Variants in SDC2 observed in about 807,000 individuals in gnomAD.
SDC2 encodes the protein syndecan 2.
Under a neutral mutation model 22.2 loss-of-function variants are expected in SDC2, and 13 were observed. The ratio of observed to expected loss-of-function variants is 0.59; its 90% CI spans 0.38 to 0.93. SDC2 has a LOEUF of 0.93. Among genes scored for constraint, SDC2 ranks in the 40% least tolerant of loss-of-function variants. The pLI is 0.00. For synonymous variants in SDC2, 94 were observed against 92.8 expected, an observed-to-expected ratio of 1.01 and a Z score of -0.07; for missense variants, 235 against 246.8, an observed-to-expected ratio of 0.95 and a Z score of 0.32.
In SDC2 at chr8:96,602,888, T is replaced by A. The variant is rs1815015535; in HGVS notation, c.306+360T>A. ...AGCCCTGTTTCTTTGGTTTCCTGGT[T>A]TGTAGGTTACGTAATTAGAAGACTC... On this transcript the variant is annotated intron_variant, in intron 3 of 4. Coordinates refer to ENST00000302190, the MANE Select transcript of SDC2 (RefSeq NM_002998.4). 2.0e-5 allele frequency among the ~76,000 whole-genome samples: 3 copies of A among 152,198 alleles called. No homozygotes were observed. In the South Asian group the frequency reaches 6.2e-4, roughly 32 times the overall value.
intron 1 of SDC2, among the ~76,000 whole-genome samples, chr8:96,527,178 G>A (rs771417178): frequency 6.6e-6 from 1 of 152,180 alleles, no homozygotes; most frequent in African/African-American, 2.4e-5. Context: ...GCCTATTGAC[G>A]TGGTGGGAAG....
chr8:96,608,259 A>C, intron 3 of SDC2, 76 bp from the exon 4 acceptor site: 2 of 1,461,568 alleles, frequency 1.4e-6, no homozygotes, highest in East Asian at 4.6e-5. Flanking sequence ...AAATTTTGGA[A>C]TATACTCATC....
rs192760447 is a variant in SDC2, at chr8:96,538,252, G to A, written c.60+43921G>A. On this transcript the variant is annotated intron_variant, in intron 1 of 4. Coordinates refer to ENST00000302190, the MANE Select transcript of SDC2 (RefSeq NM_002998.4). The stretch of plus-strand genomic sequence containing the variant: ...TGGGATTACAGACGTGAGCCACTGC[G>A]CCCAGCCAAAGCTTGTGTTATATAT... Among the ~76,000 whole-genome samples the A allele has an allele frequency of 3.3e-3, 501 of 152,222 alleles. 2 individuals are homozygous for A. The highest frequency in any genetic ancestry group is 0.011 in the African/African-American group (453 of 41,532).
At chr8:96,546,844 C>T (rs890379492) in intron 1 of SDC2, among the ~76,000 whole-genome samples, 1 of 152,198 alleles carries the variant, frequency 6.6e-6, no homozygotes, top group Non-Finnish European at 1.5e-5. Context: ...ATGCTTCAGT[C>T]TCTGGCTTCT....
chr8:96,549,531 A>G (rs1025547264), intron 1 of SDC2, among the ~76,000 whole-genome samples: 1 of 152,176 alleles, frequency 6.6e-6, no homozygotes, highest in Non-Finnish European at 1.5e-5. Flanking sequence ...GGTAGAACCA[A>G]TTTGGCCCCT....
At chr8:96,535,214 G>A (rs1009320351) in intron 1 of SDC2, among the ~76,000 whole-genome samples, 6 of 152,054 alleles carry the variant, frequency 3.9e-5, no homozygotes, top group Admixed American at 2.0e-4. Context: ...TCACCATGTT[G>A]GCCAGGCTGG....
chr8:96,549,643 C>G (rs1424199004), intron 1 of SDC2, among the ~76,000 whole-genome samples: 1 of 152,126 alleles, frequency 6.6e-6, no homozygotes, highest in African/African-American at 2.4e-5. Flanking sequence ...TTCATGGTAC[C>G]TTGCATCAAG....
intron 1 of SDC2, among the ~76,000 whole-genome samples, chr8:96,523,527 G>A (rs1041694794): frequency 2.6e-5 from 4 of 152,108 alleles, no homozygotes; most frequent in African/African-American, 9.7e-5. Flanking sequence ...ATTTACATCT[G>A]TAAGCCGGAT....
At chr8:96,534,143 C>T (rs1813713578) in intron 1 of SDC2, among the ~76,000 whole-genome samples, 1 of 152,214 alleles carries the variant, frequency 6.6e-6, no homozygotes, top group African/African-American at 2.4e-5. Flanking sequence ...GGAACTCACT[C>T]TGACCTGCAA....
chr8:96,590,626 G>GT (rs1188049306), intron 1 of SDC2, among the ~76,000 whole-genome samples: 3 of 151,822 alleles, frequency 2.0e-5, no homozygotes, highest in South Asian at 2.1e-4. Flanking sequence ...TGAGCGCAGG[G>GT]GTTTTTTTTT....
chr8:96,508,699 C>T (rs1813286772), intron 1 of SDC2, among the ~76,000 whole-genome samples: 1 of 141,808 alleles, frequency 7.1e-6, no homozygotes, highest in Non-Finnish European at 1.6e-5. Flanking sequence ...AACTGTCTCA[C>T]AACTGCTAGG....
At chr8:96,534,009 A>G (rs886281749) in intron 1 of SDC2, among the ~76,000 whole-genome samples, 35 of 152,268 alleles carry the variant, frequency 2.3e-4, no homozygotes, top group African/African-American at 7.9e-4. Context: ...GCGGGCCAGC[A>G]CTGCTGGGGG....
chr8:96,602,312 T>G lies in SDC2; in HGVS notation c.173-83T>G, dbSNP rs1216161089. 10 of 1,373,704 alleles carry G rather than the reference T, an allele frequency of 7.3e-6. No homozygotes were observed. In the Admixed American group the frequency reaches 1.4e-4, roughly 19 times the overall value. The allele number at this position is 1,373,704 out of a possible 1,614,324, so 85.1% of individuals were successfully genotyped here. A position where few individuals can be genotyped will look rare whatever the true frequency, so the allele number is the denominator to read the frequency against. On this transcript the variant is annotated intron_variant, in intron 2 of 4. Transcript: ENST00000302190. Reference sequence around the variant, plus strand: ...TTGAAAGAACATGATTCTGTCAGTGTCAACGTCAGGCAATAGTGCCTGATA... The same window carrying G: ...TTGAAAGAACATGATTCTGTCAGTGGCAACGTCAGGCAATAGTGCCTGATA...
intron 1 of SDC2, among the ~76,000 whole-genome samples, chr8:96,518,432 C>T (rs189867684): frequency 2.0e-5 from 3 of 150,794 alleles, no homozygotes; most frequent in East Asian, 2.0e-4. Context: ...GCGATCTCGG[C>T]CCACTGCAAG....
chr8:96,538,489 G>A (rs1263800723), intron 1 of SDC2, among the ~76,000 whole-genome samples: 1 of 151,546 alleles, frequency 6.6e-6, no homozygotes, highest in Non-Finnish European at 1.5e-5. Context: ...AAAGTCCAAT[G>A]TTAAGTCTTT....
At chr8:96,552,939 T>G (rs995578846) in intron 1 of SDC2, among the ~76,000 whole-genome samples, 2 of 152,184 alleles carry the variant, frequency 1.3e-5, no homozygotes, top group Admixed American at 1.3e-4. Flanking sequence ...TGGTATTGAA[T>G]GAAAAAGAAT....
At chr8:96,518,127 A>C (rs915828123) in intron 1 of SDC2, among the ~76,000 whole-genome samples, 2 of 152,088 alleles carry the variant, frequency 1.3e-5, no homozygotes. Context: ...AAGATACTTA[A>C]TGAGTTCTGA....
chr8:96,553,580 A>C (rs1814061172), intron 1 of SDC2, among the ~76,000 whole-genome samples: 1 of 151,940 alleles, frequency 6.6e-6, no homozygotes, highest in Non-Finnish European at 1.5e-5. Flanking sequence ...TTTGAGAGCC[A>C]TTCGATTTTT....
At chr8:96,538,763 G>A (rs1269293948) in intron 1 of SDC2, 1 of 152,266 alleles carries the variant, frequency 6.6e-6, no homozygotes, top group African/African-American at 2.4e-5. Flanking sequence ...AATGTGAAGA[G>A]CAATTGCTAA....
Sources: allele counts gnomAD v4.1 joint callset (sites outside exome capture counted in the v4.1 genomes callset), GRCh38; gene constraint gnomAD v4.1.1; transcripts MANE v1.5; gene names NCBI Gene and HGNC (gene_info 2026-07-23, HGNC 2026-07-21).